The following AKT3 variants were observed in gnomAD, a reference collection of about 807,000 sequenced individuals.
AKT3 encodes the protein RAC-gamma serine/threonine-protein kinase.
A neutral mutation model predicts 65.3 loss-of-function variants in AKT3; 15 were observed. That is an observed-to-expected ratio of 0.23 (90% CI 0.15 to 0.35). AKT3 has a LOEUF of 0.35. Ranked by LOEUF, AKT3 falls within the 10% of genes least tolerant of loss-of-function variation. The probability of loss-of-function intolerance (pLI) is 1.00; values close to 1 mark genes in which losing one functional copy is unlikely to be tolerated. For missense variants in AKT3, 243 were observed against 576.5 expected (o/e 0.42, Z 5.92); for synonymous variants, 206 against 183.8 (o/e 1.12, Z -0.98).
intron 10 of AKT3, among the ~76,000 whole-genome samples, chr1:243,558,582 T>A (rs1673563448): frequency 6.6e-6 from 1 of 152,080 alleles, no homozygotes; most frequent in Non-Finnish European, 1.5e-5. Context: ...TAGATGCATT[T>A]TTTTCTCAAT....
chr1:243,824,020 T>C (rs891396515), intron 2 of AKT3, among the ~76,000 whole-genome samples: 2 of 152,190 alleles, frequency 1.3e-5, no homozygotes, highest in African/African-American at 4.8e-5. Flanking sequence ...ACTACATGGC[T>C]ACAGAAACCA....
chr1:243,669,841 T>C (rs1387219051), intron 3 of AKT3, among the ~76,000 whole-genome samples: 1 of 152,202 alleles, frequency 6.6e-6, no homozygotes, highest in Non-Finnish European at 1.5e-5. Context: ...TGTATTTATG[T>C]ATAGAGTGGT....
chr1:243,814,068 A>C (rs1007656183), intron 2 of AKT3, among the ~76,000 whole-genome samples: 2 of 152,214 alleles, frequency 1.3e-5, no homozygotes, highest in African/African-American at 4.8e-5. Context: ...CTCCAGCCTA[A>C]GCAACAGAGT....
At chr1:243,676,551 T>C (rs1162272936) in intron 3 of AKT3, among the ~76,000 whole-genome samples, 3 of 152,222 alleles carry the variant, frequency 2.0e-5, no homozygotes, top group Non-Finnish European at 2.9e-5. Flanking sequence ...TCTCCTTTGA[T>C]GCCCTATACT....
intron 2 of AKT3, among the ~76,000 whole-genome samples, chr1:243,752,225 TC>T (rs1440833864): frequency 6.6e-6 from 1 of 152,160 alleles, no homozygotes; most frequent in Admixed American, 6.5e-5. Flanking sequence ...TTATCCAAAA[TC>T]AGGCATATAT....
At chr1:243,735,254 T>C (rs1687776640) in intron 2 of AKT3, 1 of 152,262 alleles carries the variant, frequency 6.6e-6, no homozygotes, top group Admixed American at 6.5e-5. Flanking sequence ...GCTACACTTT[T>C]GTACAAAACT....
chr1:243,551,857 T>C (rs1414206040), intron 11 of AKT3, among the ~76,000 whole-genome samples: 1 of 152,148 alleles, frequency 6.6e-6, no homozygotes, highest in Non-Finnish European at 1.5e-5. Context: ...CTGTAGCTCA[T>C]TGAACAAAGC....
At chr1:243,531,755 T>C (rs1351694169) in intron 12 of AKT3, among the ~76,000 whole-genome samples, 1 of 152,208 alleles carries the variant, frequency 6.6e-6, no homozygotes, top group Non-Finnish European at 1.5e-5. Context: ...ACATGAGATG[T>C]CTTTCCATTC....
At chr1:243,496,835 T>C (rs1001250376), downstream of AKT3, among the ~76,000 whole-genome samples, 5 of 152,232 alleles carry the variant, frequency 3.3e-5, no homozygotes, top group Admixed American at 1.3e-4. Flanking sequence ...GAGAGATGAC[T>C]CCGATAGGAT....
intron 2 of AKT3, among the ~76,000 whole-genome samples, chr1:243,839,012 T>C (rs1382644900): frequency 6.6e-6 from 1 of 152,168 alleles, no homozygotes; most frequent in Non-Finnish European, 1.5e-5. Context: ...AGTAACATTA[T>C]GAATTGACTA....
chr1:243,818,596 A>G (rs185344066), intron 2 of AKT3, among the ~76,000 whole-genome samples: 1 of 152,358 alleles, frequency 6.6e-6, no homozygotes, highest in African/African-American at 2.4e-5. Flanking sequence ...CTAACTGGTA[A>G]GAAAACTTAA....
At position 243,750,229 on chromosome 1, in the gene AKT3, A is replaced by G. The variant is rs1469023303; in HGVS notation, c.47-54513T>C. Reference sequence around the variant, plus strand: ...AACCCTACTTGGTTAAATTTGCCCCAATTATTTCAAATCATAATTCACTGT... The same window carrying G: ...AACCCTACTTGGTTAAATTTGCCCCGATTATTTCAAATCATAATTCACTGT... On this transcript the variant is annotated intron_variant, in intron 2 of 13. Coordinates refer to ENST00000673466, the MANE Select transcript of AKT3 (RefSeq NM_005465.7). Among the ~76,000 whole-genome samples the G allele has an allele frequency of 3.3e-5, 5 of 152,272 alleles. 1 individual carries two copies. The South Asian group carries it at 8.3e-4, about 25-fold the overall frequency.
chr1:243,841,792 C>T (rs1266353821), intron 2 of AKT3, among the ~76,000 whole-genome samples: 1 of 152,012 alleles, frequency 6.6e-6, no homozygotes. Context: ...AAGTGATTAA[C>T]AGATAAACTG....
chr1:243,646,601 C>T (rs991520311), intron 4 of AKT3, among the ~76,000 whole-genome samples: 1 of 152,054 alleles, frequency 6.6e-6, no homozygotes, highest in African/African-American at 2.4e-5. Context: ...GTGATCCATC[C>T]GCCATGGCCT....
At chr1:243,746,970 G>T (rs1688507311) in intron 2 of AKT3, among the ~76,000 whole-genome samples, 1 of 152,270 alleles carries the variant, frequency 6.6e-6, no homozygotes, top group African/African-American at 2.4e-5. Flanking sequence ...ATCATCAAAA[G>T]GGGCTTTGGG....
chr1:243,708,908 G>A (rs1049620241), intron 2 of AKT3, among the ~76,000 whole-genome samples: 8 of 151,932 alleles, frequency 5.3e-5, no homozygotes, highest in African/African-American at 1.9e-4. Flanking sequence ...TAATGCAAAT[G>A]ACAAATTGGC....
At chr1:243,796,817 C>A (rs559763578) in intron 2 of AKT3, among the ~76,000 whole-genome samples, 2 of 152,062 alleles carry the variant, frequency 1.3e-5, no homozygotes, top group African/African-American at 2.4e-5. Context: ...GAAGGAGATG[C>A]GGACATGTGC....
chr1:243,649,422 T>A (rs1421933498), intron 4 of AKT3, among the ~76,000 whole-genome samples: 1 of 150,742 alleles, frequency 6.6e-6, no homozygotes, highest in Non-Finnish European at 1.5e-5. Context: ...CATACACACA[T>A]ACATACACAC....
chr1:243,804,621 T>C (rs1422162682), intron 2 of AKT3, among the ~76,000 whole-genome samples: 1 of 152,124 alleles, frequency 6.6e-6, no homozygotes, highest in Non-Finnish European at 1.5e-5. Context: ...CCGAGGCGGA[T>C]GGATCACGAG....
Sources: allele counts gnomAD v4.1 joint callset (sites outside exome capture counted in the v4.1 genomes callset), GRCh38; gene constraint gnomAD v4.1.1; transcripts MANE v1.5; gene names NCBI Gene and HGNC (gene_info 2026-07-23, HGNC 2026-07-21).